Variants in LINGO1 observed in about 807,000 individuals in gnomAD.
LINGO1 encodes the protein leucine rich repeat and Ig domain containing 1, also known as leucine-rich repeat and immunoglobulin-like domain-containing nogo receptor-interacting protein 1.
LINGO1 carries 11 observed loss-of-function variants against 37.3 expected under a neutral mutation model. That is an observed-to-expected ratio of 0.29 (90% CI 0.19 to 0.49). The LOEUF (loss-of-function observed/expected upper bound fraction) is 0.49, where lower values mean the gene tolerates loss of function less well. LINGO1 is among the 20% of genes least tolerant of loss of function. The pLI, the probability that LINGO1 is intolerant of heterozygous loss-of-function variation, is 0.99. For synonymous variants in LINGO1, 387 were observed against 403.0 expected (o/e 0.96, Z 0.48); for missense variants, 585 against 878.2 (o/e 0.67, Z 4.22).
Position 77,729,430 on chromosome 15 carries a change from C to T in LINGO1, c.-195+5562G>A, listed in dbSNP as rs564165317. Among the ~76,000 whole-genome samples, 4 of 152,318 alleles carry T rather than the reference C, an allele frequency of 2.6e-5. No homozygotes were observed. The South Asian group carries it at 8.3e-4, about 32-fold the overall frequency. The stretch of plus-strand genomic sequence containing the variant: ...ATGTGCAGACCCAGCTTAACCCTTG[C>T]TCCTCCCTGTGCAGACCCAGCTAGA... On this transcript the variant is annotated intron_variant, in intron 2 of 3. Coordinates refer to the LINGO1 transcript ENST00000561686.
intron 3 of LINGO1, among the ~76,000 whole-genome samples, chr15:77,642,551 G>T (rs1300642467): frequency 6.6e-6 from 1 of 152,230 alleles, no homozygotes; most frequent in African/African-American, 2.4e-5. Context: ...CCCATGGAGT[G>T]CTCAGCTCTG....
At chr15:77,779,562 T>C (rs1195817924) in intron 1 of LINGO1, among the ~76,000 whole-genome samples, 3 of 151,144 alleles carry the variant, frequency 2.0e-5, no homozygotes, top group African/African-American at 7.3e-5. Flanking sequence ...CTAAGGAGAG[T>C]GCTACCTAGA....
At chr15:77,662,350 T>A (rs190751701) in intron 3 of LINGO1, among the ~76,000 whole-genome samples, 18 of 152,126 alleles carry the variant, frequency 1.2e-4, no homozygotes, top group African/African-American at 3.4e-4. Flanking sequence ...AGAAGGGCGG[T>A]CAGAGGGAGG....
chr15:77,725,453 C>T (rs1233504581), intron 2 of LINGO1, among the ~76,000 whole-genome samples: 1 of 152,166 alleles, frequency 6.6e-6, no homozygotes, highest in Non-Finnish European at 1.5e-5. Flanking sequence ...GTAGCAACCA[C>T]TGGGGAGGCT....
chr15:77,665,718 G>A (rs373714198), intron 3 of LINGO1, among the ~76,000 whole-genome samples: 261 of 152,362 alleles, frequency 1.7e-3, no homozygotes, highest in African/African-American at 6.2e-3. Context: ...CGCCAGGCAG[G>A]TGAGGTGAGA....
Position 77,730,311 on chromosome 15 carries a change from T to C in LINGO1, c.-195+4681A>G, listed in dbSNP as rs562515187. On this transcript the variant is annotated intron_variant, in intron 2 of 3. Coordinates refer to the LINGO1 transcript ENST00000561686. ...CCTAACAGCCCTGTGAGGTGGGTTC[T>C]GCTATCATTTTCCTGTTACCCAATG... is the stretch of plus-strand genomic sequence containing the variant. Among the ~76,000 whole-genome samples, 5 of 152,334 alleles carry C rather than the reference T, an allele frequency of 3.3e-5. 1 individual carries two copies. In the South Asian group the frequency reaches 1.0e-3, roughly 32 times the overall value.
At chr15:77,732,587 G>A (rs1172895455) in intron 2 of LINGO1, among the ~76,000 whole-genome samples, 1 of 152,236 alleles carries the variant, frequency 6.6e-6, no homozygotes, top group Non-Finnish European at 1.5e-5. Context: ...GGTGGACTGA[G>A]GTCCCTTCTG....
At chr15:77,763,896 T>TA (rs1567570293) in intron 1 of LINGO1, among the ~76,000 whole-genome samples, 1 of 151,686 alleles carries the variant, frequency 6.6e-6, no homozygotes, top group Non-Finnish European at 1.5e-5. Flanking sequence ...TGGCCGCTCA[T>TA]CCCCCCTTCC....
chr15:77,710,516 T>G (rs1029024846), intron 2 of LINGO1, among the ~76,000 whole-genome samples: 12 of 152,232 alleles, frequency 7.9e-5, no homozygotes, highest in Non-Finnish European at 1.6e-4. Flanking sequence ...GCCTCTGTTC[T>G]CTGATCGCAG....
intron 1 of LINGO1, among the ~76,000 whole-genome samples, chr15:77,800,933 A>G (rs1315669240): frequency 2.6e-4 from 40 of 152,376 alleles, no homozygotes; most frequent in Non-Finnish European, 5.9e-5. Flanking sequence ...CTATCTCACT[A>G]GCAATCAGGG....
At chr15:77,702,878 T>C (rs1163293500) in intron 2 of LINGO1, among the ~76,000 whole-genome samples, 1 of 152,220 alleles carries the variant, frequency 6.6e-6, no homozygotes, top group Non-Finnish European at 1.5e-5. Flanking sequence ...TCTTGCTCCC[T>C]AATACTTCTT....
intron 1 of LINGO1, among the ~76,000 whole-genome samples, chr15:77,693,571 A>G (rs2075641261): frequency 6.6e-6 from 1 of 152,208 alleles, no homozygotes; most frequent in African/African-American, 2.4e-5. Context: ...GGAGGGTTTT[A>G]ACCAGGTAAG....
At position 77,632,319 on chromosome 15, in the gene LINGO1, G is replaced by A. The variant is rs765942091; in HGVS notation, c.-4C>T. ...CGGCCGCCTGGCTCACCTGCATCTCGGGCGCGCCTTCGGTCCGCTCGGCTC... is the reference window on the plus strand; with the variant it reads ...CGGCCGCCTGGCTCACCTGCATCTCAGGCGCGCCTTCGGTCCGCTCGGCTC... On this transcript the variant is annotated 5_prime_UTR_variant, in exon 1 of 2. Coordinates refer to ENST00000355300, the MANE Select transcript of LINGO1 (RefSeq NM_032808.7). This position sits in a 1 kb window ranked among gnomAD's most constrained non-coding sequence, Gnocchi z 6.0. The A allele has an allele frequency of 2.1e-5, 30 of 1,440,466 alleles. No homozygotes were observed. In the Admixed American group the frequency reaches 5.4e-4, roughly 26 times the overall value. The allele number at this position is 1,440,466 out of a possible 1,614,324, so 89.2% of individuals were successfully genotyped here. A position where few individuals can be genotyped will look rare whatever the true frequency, so the allele number is the denominator to read the frequency against.
At chr15:77,736,517 C>T (rs1195390045) in intron 1 of LINGO1, among the ~76,000 whole-genome samples, 1 of 152,098 alleles carries the variant, frequency 6.6e-6, no homozygotes, top group Non-Finnish European at 1.5e-5. Context: ...AATCCCAGCA[C>T]TTTGGGAGGC....
chr15:77,722,941 G>A (rs923572225), intron 2 of LINGO1, among the ~76,000 whole-genome samples: 1 of 152,198 alleles, frequency 6.6e-6, no homozygotes, highest in African/African-American at 2.4e-5. Context: ...GCGCTCCGGG[G>A]CTGGGCCTTC....
chr15:77,691,270 C>A (rs2075598691), intron 1 of LINGO1, among the ~76,000 whole-genome samples: 1 of 152,206 alleles, frequency 6.6e-6, no homozygotes, highest in Non-Finnish European at 1.5e-5. Context: ...TGCCTCCTGG[C>A]CACAGTACAT....
intron 2 of LINGO1, among the ~76,000 whole-genome samples, chr15:77,793,446 C>G (rs1440431147): frequency 6.6e-6 from 1 of 152,142 alleles, no homozygotes; most frequent in African/African-American, 2.4e-5. Flanking sequence ...GCCTCCGGTG[C>G]AAGCCTCCGG....
chr15:77,661,578 C>T (rs11855576), intron 3 of LINGO1, among the ~76,000 whole-genome samples: 6,448 of 152,314 alleles, frequency 0.042, 487 homozygotes, highest in African/African-American at 0.15. Flanking sequence ...TATCTGTTTC[C>T]TGGGTTGGGC....
intron 1 of LINGO1, among the ~76,000 whole-genome samples, chr15:77,771,834 G>A (rs1432622901): frequency 6.6e-6 from 1 of 152,226 alleles, no homozygotes; most frequent in Non-Finnish European, 1.5e-5. Flanking sequence ...CTGCATGCCT[G>A]TGGACAGGAT....
Sources: allele counts gnomAD v4.1 joint callset (sites outside exome capture counted in the v4.1 genomes callset), GRCh38; gene constraint gnomAD v4.1.1; non-coding constraint Gnocchi (gnomAD v3.1); transcripts MANE v1.5; gene names NCBI Gene and HGNC (gene_info 2026-07-23, HGNC 2026-07-21).